FAM171A1: variants seen among roughly 807,000 people sequenced by gnomAD.
FAM171A1 encodes the protein family with sequence similarity 171 member A1.
A neutral mutation model predicts 74.9 loss-of-function variants in FAM171A1; 23 were observed. That is an observed-to-expected ratio of 0.31 (90% CI 0.22 to 0.44). The LOEUF (loss-of-function observed/expected upper bound fraction) is 0.44. Among genes scored for constraint, FAM171A1 ranks in the 20% least tolerant of loss-of-function variants. The pLI is 1.00. For missense variants in FAM171A1, 1,162 were observed against 1,159.2 expected (o/e 1.00, Z -0.03); for synonymous variants, 527 against 505.7 (o/e 1.04, Z -0.57).
intron 5 of FAM171A1, among the ~76,000 whole-genome samples, chr10:15,245,671 C>T: frequency 6.6e-6 from 1 of 152,226 alleles, no homozygotes; most frequent in East Asian, 1.9e-4. Flanking sequence ...AGCTGGCATT[C>T]CACACCACTG....
chr10:15,236,191 C>G (rs1025671268), intron 5 of FAM171A1, among the ~76,000 whole-genome samples: 2 of 151,768 alleles, frequency 1.3e-5, no homozygotes, highest in African/African-American at 4.8e-5. Context: ...GATGGCAGGG[C>G]CATTCCAGCT....
chr10:15,233,290 G>A (rs913453526), intron 5 of FAM171A1, among the ~76,000 whole-genome samples: 2 of 146,282 alleles, frequency 1.4e-5, no homozygotes, highest in East Asian at 2.0e-4. Flanking sequence ...GCAAGACTCC[G>A]TCTCAAAAAA....
intron 5 of FAM171A1, among the ~76,000 whole-genome samples, chr10:15,229,573 CCAACGTCATCAT>C (rs1371634977): frequency 0.04 from 4,982 of 126,116 alleles, 852 homozygotes; most frequent in Middle Eastern, 0.067. Context: ...ATCACCATCA[CCAACGTCATCAT>C]CATCACCATC....
rs567677195 is a variant in FAM171A1 at position 15,279,866 on chromosome 10, C to T, written c.326-3919G>A. 4.0e-5 allele frequency among the ~76,000 whole-genome samples: 6 copies of T among 151,832 alleles called. 1 individual carries two copies. The South Asian group carries it at 8.3e-4, about 21-fold the overall frequency. ...CCAGGAGACGGAGGTTGCAGTGAAC[C>T]GAGATTGCACCACTGAGACTCTGTC... On this transcript the variant is annotated intron_variant, in intron 2 of 7. Coordinates refer to ENST00000378116, the MANE Select transcript of FAM171A1 (RefSeq NM_001010924.2).
rs551855429 is a variant in FAM171A1 at position 15,367,380 on chromosome 10, A to C, written c.97+3576T>G. 5.9e-5 allele frequency among the ~76,000 whole-genome samples: 9 copies of C among 152,338 alleles called. No homozygotes were observed. The East Asian group carries it at 1.7e-3, about 29-fold the overall frequency. On this transcript the variant is annotated intron_variant, in intron 1 of 7. Coordinates refer to ENST00000378116, the MANE Select transcript of FAM171A1 (RefSeq NM_001010924.2). Reference sequence around the variant, plus strand: ...AAATAAGATATAAAAATAATTCATGAAGTCATTTCAAAGACTTTTCCAGAA... The same window carrying C: ...AAATAAGATATAAAAATAATTCATGCAGTCATTTCAAAGACTTTTCCAGAA...
intron 1 of FAM171A1, among the ~76,000 whole-genome samples, chr10:15,286,902 T>A (rs989542527): frequency 6.6e-6 from 1 of 152,132 alleles, no homozygotes; most frequent in Non-Finnish European, 1.5e-5. Context: ...CTTAAAATGT[T>A]TTAGCAAGAA....
At position 15,283,939 on chromosome 10, in the gene FAM171A1, G is replaced by A. The variant is rs771283083; in HGVS notation, c.264C>T (p.Val88=). Residue 88 remains valine, a synonymous_variant, in exon 2 of 8, where the codon GTC becomes GTT. Coordinates refer to ENST00000378116, the MANE Select transcript of FAM171A1 (RefSeq NM_001010924.2). Reference sequence around the variant, plus strand: ...GCACGTAGGCATGCTTCGAGGCGGTGACAATCAACTGACTGCCCAGCTTAT... The same window carrying A: ...GCACGTAGGCATGCTTCGAGGCGGTAACAATCAACTGACTGCCCAGCTTAT... ...FQYKLGSQLI[V]TASKHAYVPN... is the part of the protein sequence containing the mutation. 8.7e-6 allele frequency: 14 copies of A among 1,614,210 alleles called. No homozygotes were observed. Among genetic ancestry groups the A allele is most frequent in the Middle Eastern group, 1.6e-4 (1 of 6,062 alleles).
intron 1 of FAM171A1, among the ~76,000 whole-genome samples, chr10:15,368,562 A>G (rs983307568): frequency 6.6e-6 from 1 of 152,228 alleles, no homozygotes; most frequent in Non-Finnish European, 1.5e-5. Flanking sequence ...GAAGGTAAAC[A>G]TTGAACTTTT....
At chr10:15,312,085 C>T (rs151213103) in intron 1 of FAM171A1, among the ~76,000 whole-genome samples, 1 of 152,344 alleles carries the variant, frequency 6.6e-6, no homozygotes, top group African/African-American at 2.4e-5. Flanking sequence ...GAGATTCAAG[C>T]GTGCATCTTC....
At chr10:15,282,683 G>A (rs923050846) in intron 2 of FAM171A1, among the ~76,000 whole-genome samples, 26 of 152,096 alleles carry the variant, frequency 1.7e-4, no homozygotes, top group African/African-American at 6.3e-4. Flanking sequence ...CATGGACCAT[G>A]GGAGTGTCAA....
intron 1 of FAM171A1, among the ~76,000 whole-genome samples, chr10:15,328,474 C>T (rs1038641520): frequency 6.6e-6 from 1 of 152,144 alleles, no homozygotes; most frequent in African/African-American, 2.4e-5. Flanking sequence ...AGGAACTGAG[C>T]TATTTTGAAC....
At chr10:15,263,800 A>G (rs1834697642) in intron 3 of FAM171A1, among the ~76,000 whole-genome samples, 1 of 150,452 alleles carries the variant, frequency 6.6e-6, no homozygotes, top group Non-Finnish European at 1.5e-5. Flanking sequence ...CTATCCATCT[A>G]ATCTATTAAT....
chr10:15,254,670 A>G (rs1337261074), intron 4 of FAM171A1, 51 bp downstream of exon 4: 1 of 1,583,800 alleles, frequency 6.3e-7, no homozygotes, highest in Non-Finnish European at 8.6e-7. Context: ...ATCCACATGT[A>G]AAGACTAAAA....
At chr10:15,214,727 C>G in intron 7 of FAM171A1, 126 bp from the exon 8 acceptor site, 2 of 1,292,696 alleles carry the variant, frequency 1.5e-6, no homozygotes, top group Admixed American at 3.1e-5. Flanking sequence ...AAGTCAGGAG[C>G]AGCCAAAAGC....
intron 1 of FAM171A1, among the ~76,000 whole-genome samples, chr10:15,323,370 T>C (rs1835510311): frequency 6.6e-6 from 1 of 152,060 alleles, no homozygotes. Context: ...GGAGAATTGC[T>C]TGAACCCGGG....
At chr10:15,322,861 TG>T (rs1835503092) in intron 1 of FAM171A1, among the ~76,000 whole-genome samples, 2 of 152,188 alleles carry the variant, frequency 1.3e-5, no homozygotes, top group Non-Finnish European at 2.9e-5. Context: ...TTTTTTTGGC[TG>T]GGGGCAGTGA....
chr10:15,267,109 C>A (rs753708501), intron 3 of FAM171A1, among the ~76,000 whole-genome samples: 1 of 152,128 alleles, frequency 6.6e-6, no homozygotes, highest in African/African-American at 2.4e-5. Context: ...AATCCTAAGT[C>A]AAAGGCTAAA....
chr10:15,221,928 T>C (rs1383390488), intron 5 of FAM171A1, among the ~76,000 whole-genome samples: 2 of 152,164 alleles, frequency 1.3e-5, no homozygotes, highest in Non-Finnish European at 2.9e-5. Flanking sequence ...CTTTGTGAAG[T>C]TTCTAGGAGC....
At chr10:15,318,423 C>G (rs4748159) in intron 1 of FAM171A1, among the ~76,000 whole-genome samples, 1 of 151,892 alleles carries the variant, frequency 6.6e-6, no homozygotes, top group African/African-American at 2.4e-5. Context: ...TACTTATCTG[C>G]GTGCGGTAAG....
Sources: gnomAD v4.1 joint callset for allele counts (sites outside exome capture counted in the v4.1 genomes callset) on GRCh38, gnomAD v4.1.1 for gene constraint, MANE v1.5 for transcripts, NCBI Gene and HGNC (gene_info 2026-07-23, HGNC 2026-07-21) for gene names.